Variants in RFX3 observed in about 807,000 individuals in gnomAD.
RFX3 encodes transcription factor RFX3.
RFX3 carries 14 observed loss-of-function variants against 98.6 expected under a neutral mutation model. The ratio of observed to expected loss-of-function variants is 0.14; its 90% CI spans 0.09 to 0.22. The LOEUF (loss-of-function observed/expected upper bound fraction) is 0.22. RFX3 is among the 10% of genes least tolerant of loss of function. RFX3 has a pLI of 1.00. For synonymous variants in RFX3, 383 were observed against 328.4 expected, an observed-to-expected ratio of 1.17 and a Z score of -1.80; for missense variants, 639 against 926.9, an observed-to-expected ratio of 0.69 and a Z score of 4.03.
At chr9:3,335,469 G>T (rs1328830936) in intron 3 of RFX3, among the ~76,000 whole-genome samples, 1 of 151,906 alleles carries the variant, frequency 6.6e-6, no homozygotes, top group Non-Finnish European at 1.5e-5. Flanking sequence ...ATTTTCTCCA[G>T]AAATTTCCTA....
intron 5 of RFX3, among the ~76,000 whole-genome samples, chr9:3,298,239 A>G (rs1828233431): frequency 6.6e-6 from 1 of 151,864 alleles, no homozygotes. Context: ...AAAAAGAGTT[A>G]TTTACTCTTA....
intron 1 of RFX3, among the ~76,000 whole-genome samples, chr9:3,507,391 T>C (rs931415990): frequency 3.9e-5 from 6 of 151,926 alleles, no homozygotes; most frequent in African/African-American, 1.4e-4. Context: ...AACACTCACA[T>C]GTCAGGCACA....
chr9:3,423,777 TC>T (rs1843663775), intron 1 of RFX3, among the ~76,000 whole-genome samples: 2 of 53,146 alleles, frequency 3.8e-5, no homozygotes, highest in African/African-American at 7.2e-5. Flanking sequence ...TTATATATTT[TC>T]ATATATATAT....
At chr9:3,362,874 G>C (rs1391815646) in intron 2 of RFX3, among the ~76,000 whole-genome samples, 1 of 152,184 alleles carries the variant, frequency 6.6e-6, no homozygotes, top group East Asian at 1.9e-4. Flanking sequence ...AGGCGAGAGG[G>C]GGAGTGTGTC....
At chr9:3,298,897 A>G (rs371983916) in intron 5 of RFX3, among the ~76,000 whole-genome samples, 121 of 151,930 alleles carry the variant, frequency 8.0e-4, no homozygotes, top group African/African-American at 2.7e-3. Flanking sequence ...TTTTCACCCA[A>G]AAGTCATGAT....
intron 1 of RFX3, chr9:3,488,912 A>G (rs1292850697): frequency 1.0e-6 from 1 of 984,236 alleles, no homozygotes; most frequent in African/African-American, 1.7e-5. Context: ...CAAAGACCAT[A>G]TATCAAATTG....
At chr9:3,408,334 C>T (rs956781062) in intron 1 of RFX3, among the ~76,000 whole-genome samples, 2 of 152,108 alleles carry the variant, frequency 1.3e-5, no homozygotes, top group Non-Finnish European at 2.9e-5. Flanking sequence ...CCATAGGTAA[C>T]CCTGCAGTAC....
chr9:3,390,883 T>C (rs76935757), intron 2 of RFX3, among the ~76,000 whole-genome samples: 1,818 of 152,270 alleles, frequency 0.012, 26 homozygotes, highest in African/African-American at 0.036. Flanking sequence ...GAAAATGGAC[T>C]AATACACTCA....
rs12555497 is a variant in RFX3, at chr9:3,275,099, A to C, written c.1086+401T>G. Among the ~76,000 whole-genome samples the C allele has an allele frequency of 8.1e-3, 1,231 of 151,976 alleles. 58 individuals carry two copies. The highest frequency in any genetic ancestry group is 0.074 in the Admixed American group (1,115 of 15,168). ...CTACTCTAAAGATTGTATTAATACC[A>C]TATTTTATTTATGCAGCTCCCTACT... On this transcript the variant is annotated intron_variant, in intron 9 of 16. Coordinates refer to ENST00000617270, the MANE Select transcript of RFX3 (RefSeq NM_001282116.2).
At chr9:3,295,450 G>A (rs1351158670) in intron 5 of RFX3, among the ~76,000 whole-genome samples, 3 of 151,934 alleles carry the variant, frequency 2.0e-5, no homozygotes, top group Non-Finnish European at 2.9e-5. Flanking sequence ...TCTAGTGGCA[G>A]TCTTAATATA....
At chr9:3,392,015 C>A (rs1009540910) in intron 2 of RFX3, among the ~76,000 whole-genome samples, 3 of 152,162 alleles carry the variant, frequency 2.0e-5, no homozygotes, top group Non-Finnish European at 2.9e-5. Context: ...AGCATTCCCC[C>A]ACTAGGCAGG....
At chr9:3,373,064 T>A (rs1587380153) in intron 2 of RFX3, among the ~76,000 whole-genome samples, 2 of 152,202 alleles carry the variant, frequency 1.3e-5, no homozygotes, top group South Asian at 4.1e-4. Flanking sequence ...TTCGTTGCCA[T>A]ATCTCTATGT....
chr9:3,396,121 G>C (rs1840841413), intron 1 of RFX3, among the ~76,000 whole-genome samples: 1 of 151,650 alleles, frequency 6.6e-6, no homozygotes, highest in African/African-American at 2.4e-5. Flanking sequence ...CGTGTGCCAT[G>C]TTGGTGTGCT....
At chr9:3,438,820 A>G (rs772408521) in intron 1 of RFX3, among the ~76,000 whole-genome samples, 3 of 152,044 alleles carry the variant, frequency 2.0e-5, no homozygotes, top group Non-Finnish European at 4.4e-5. Flanking sequence ...AAAGTGATCA[A>G]TTCATCAAGA....
chr9:3,415,538 T>C (rs1308545966), intron 1 of RFX3, among the ~76,000 whole-genome samples: 2 of 152,298 alleles, frequency 1.3e-5, no homozygotes, highest in South Asian at 4.1e-4. Context: ...TGCTGTTAGA[T>C]GCTGGGAAAG....
chr9:3,270,087 AAAGAAAGAAAGAAAG>A (rs1824199970), intron 11 of RFX3, among the ~76,000 whole-genome samples: 1 of 13,190 alleles, frequency 7.6e-5, no homozygotes, highest in African/African-American at 9.1e-5. Flanking sequence ...AGAAGGAAAG[AAAGAAAGAAAGAAAG>A]AAAGAAAGAA....
intron 16 of RFX3, among the ~76,000 whole-genome samples, chr9:3,225,914 G>A (rs1260596151): frequency 6.6e-6 from 1 of 152,024 alleles, no homozygotes; most frequent in Non-Finnish European, 1.5e-5. Context: ...TTCCATTCTT[G>A]GCAACTGATA....
chr9:3,254,589 G>A (rs1821861285), intron 14 of RFX3, among the ~76,000 whole-genome samples: 4 of 151,640 alleles, frequency 2.6e-5, no homozygotes, highest in South Asian at 2.1e-4. Flanking sequence ...CCAGGCTGGA[G>A]TGCAGTGGCG....
chr9:3,255,004 C>A (rs1310632303), intron 14 of RFX3, among the ~76,000 whole-genome samples: 1 of 152,060 alleles, frequency 6.6e-6, no homozygotes, highest in Non-Finnish European at 1.5e-5. Flanking sequence ...TGTACCACTG[C>A]AAAAACAAAA....
Sources: gnomAD v4.1 joint callset for allele counts (sites outside exome capture counted in the v4.1 genomes callset) on GRCh38, gnomAD v4.1.1 for gene constraint, MANE v1.5 for transcripts, NCBI Gene and HGNC (gene_info 2026-07-23, HGNC 2026-07-21) for gene names.